The following THOC1 variants were observed in gnomAD, a reference collection of about 807,000 sequenced individuals.
The protein encoded by THOC1 is THO complex subunit 1.
A neutral mutation model predicts 97.3 loss-of-function variants in THOC1; 29 were observed. The observed-to-expected ratio is 0.30, with a 90% CI of 0.22 to 0.41. The LOEUF (loss-of-function observed/expected upper bound fraction) is 0.41, where lower values mean the gene tolerates loss of function less well. Among genes scored for constraint, THOC1 ranks in the 10% least tolerant of loss-of-function variants. THOC1 has a pLI of 1.00. For missense variants in THOC1, 529 were observed against 761.9 expected (o/e 0.69, Z 3.60); for synonymous variants, 255 against 257.0 (o/e 0.99, Z 0.07).
chr18:232,580 G>T (rs1464488920), intron 11 of THOC1, among the ~76,000 whole-genome samples: 2 of 151,768 alleles, frequency 1.3e-5, no homozygotes, highest in African/African-American at 4.8e-5. Flanking sequence ...ATGGTACAGT[G>T]AATCTTCTTA....
rs770075153 is a variant in THOC1, at chr18:261,661, C to T, written c.257-1357G>A. ...ACTGGACTAGGTGACCTCTAAAGTC[C>T]CTAACAATACTTAGATTCAATGATA... On this transcript the variant is annotated intron_variant, in intron 4 of 20. Transcript: ENST00000261600. 7.2e-5 allele frequency among the ~76,000 whole-genome samples: 11 copies of T among 152,238 alleles called. No homozygotes were observed. The South Asian group carries it at 2.3e-3, about 32-fold the overall frequency.
In THOC1 at chr18:252,519, C is replaced by T. The variant is rs368194949; in HGVS notation, c.677+20G>A. ...GAGATTATCTCTGTAAATCAAAAAG[C>T]TTAGGCTCTGAAAACTCACCACGTT... On this transcript the variant is annotated intron_variant, in intron 9 of 20. Coordinates refer to ENST00000261600, the MANE Select transcript of THOC1 (RefSeq NM_005131.3). The T allele has an allele frequency of 2.1e-5, 34 of 1,592,966 alleles. No individual in the cohort carries two copies. The African/African-American group carries it at 4.4e-4, about 21-fold the overall frequency.
intron 8 of THOC1, among the ~76,000 whole-genome samples, chr18:253,350 T>C (rs966892611): frequency 1.3e-5 from 2 of 152,248 alleles, no homozygotes; most frequent in South Asian, 4.1e-4. Flanking sequence ...CTAGACACTG[T>C]AACATTGTTT....
At chr18:252,767 C>T (rs975845142) in intron 8 of THOC1, among the ~76,000 whole-genome samples, 155 bp from the exon 9 acceptor site, 1 of 152,180 alleles carries the variant, frequency 6.6e-6, no homozygotes, top group African/African-American at 2.4e-5. Flanking sequence ...ATCTGTAAGG[C>T]AATCAGAATT....
chr18:253,278 T>C (rs1314226357), intron 8 of THOC1, among the ~76,000 whole-genome samples: 1 of 152,144 alleles, frequency 6.6e-6, no homozygotes, highest in East Asian at 1.9e-4. Context: ...CTGGAATTTA[T>C]CCTAAAAAGA....
intron 11 of THOC1, among the ~76,000 whole-genome samples, chr18:239,658 T>G (rs990992869): frequency 1.1e-4 from 16 of 152,230 alleles, no homozygotes; most frequent in African/African-American, 3.9e-4. Flanking sequence ...AACATGTTTG[T>G]TCTTCATAAC....
chr18:224,248 C>CTTTT (rs749883073), intron 15 of THOC1, 69 bp from the exon 16 acceptor site: 2 of 1,198,648 alleles, frequency 1.7e-6, no homozygotes, highest in Non-Finnish European at 2.4e-6. Context: ...GAATGTTTAA[C>CTTTT]GTAAAAGAAA....
At chr18:266,599 A>C (rs373765333) in intron 1 of THOC1, among the ~76,000 whole-genome samples, 2 of 144,336 alleles carry the variant, frequency 1.4e-5, no homozygotes, top group East Asian at 4.0e-4. Flanking sequence ...GTGCACTGGC[A>C]TGATCTTGGC....
intron 7 of THOC1, among the ~76,000 whole-genome samples, chr18:256,985 A>C (rs2143287341): frequency 6.6e-6 from 1 of 152,356 alleles, no homozygotes; most frequent in East Asian, 1.9e-4. Context: ...CGACTTGCAA[A>C]AGGCTTTGGT....
At chr18:218,786 A>G in intron 18 of THOC1, 100 bp downstream of exon 18, 6 of 914,072 alleles carry the variant, frequency 6.6e-6, no homozygotes, top group Non-Finnish European at 1.0e-5. Flanking sequence ...GCACTATTCT[A>G]TCTACTGCCT....
chr18:266,848 C>T (rs538786), intron 1 of THOC1, among the ~76,000 whole-genome samples: 26,706 of 152,040 alleles, frequency 0.18, 2,564 homozygotes, highest in Non-Finnish European at 0.23. Context: ...CCAATATGAT[C>T]TTGGATAGTC....
chr18:234,019 A>G (rs1410099064), intron 11 of THOC1, among the ~76,000 whole-genome samples: 1 of 152,208 alleles, frequency 6.6e-6, no homozygotes, highest in African/African-American at 2.4e-5. Flanking sequence ...ACACTGCTCC[A>G]TTTTTGTAAT....
chr18:226,458 A>G, intron 12 of THOC1: 1 of 194,608 alleles, frequency 5.1e-6, no homozygotes, highest in Non-Finnish European at 1.1e-5. Context: ...CTTGTGAGAT[A>G]TGTATTACTG....
intron 20 of THOC1, among the ~76,000 whole-genome samples, chr18:215,195 TC>T (rs1910831929): frequency 2.6e-5 from 4 of 152,316 alleles, no homozygotes; most frequent in African/African-American, 9.6e-5. Flanking sequence ...TGGGTCGCCT[TC>T]AAATGTATTT....
At chr18:236,834 T>C (rs2143214817) in intron 11 of THOC1, among the ~76,000 whole-genome samples, 1 of 152,288 alleles carries the variant, frequency 6.6e-6, no homozygotes, top group East Asian at 1.9e-4. Flanking sequence ...GGATCGCTTC[T>C]ATTAACCTTG....
chr18:256,127 G>C (rs1177830426), intron 7 of THOC1, among the ~76,000 whole-genome samples: 1 of 152,232 alleles, frequency 6.6e-6, no homozygotes, highest in East Asian at 1.9e-4. Context: ...CCATTTTGCA[G>C]CCAAAGGATC....
In THOC1 at chr18:254,211, C is replaced by T; in HGVS notation, c.603+62G>A. The T allele has an allele frequency of 1.7e-6, 2 of 1,169,432 alleles. No individual in the cohort carries two copies. The highest frequency in any genetic ancestry group is 1.3e-5 in the South Asian group (1 of 76,368). The allele number at this position is 1,169,432 out of a possible 1,614,324, so 72.4% of individuals were successfully genotyped here. On this transcript the variant is annotated intron_variant, in intron 8 of 20. Coordinates refer to ENST00000261600, the MANE Select transcript of THOC1 (RefSeq NM_005131.3). The surrounding 1 kb of genome is among the most constrained non-coding windows in gnomAD (Gnocchi z 4.1). Reference sequence around the variant, plus strand: ...ACAAGTGTGAGCCACTGTGCCTGGACCCACTATCTTAATAACAAACTTGCA... The same window carrying T: ...ACAAGTGTGAGCCACTGTGCCTGGATCCACTATCTTAATAACAAACTTGCA...
chr18:259,658 T>G (rs1191003288), intron 6 of THOC1, 24 bp downstream of exon 6: 1 of 1,517,268 alleles, frequency 6.6e-7, no homozygotes, highest in Non-Finnish European at 8.9e-7. Context: ...TAAAAAGCAA[T>G]CATTTTATCA....
intron 7 of THOC1, among the ~76,000 whole-genome samples, chr18:258,560 CAT>C (rs1208267901): frequency 2.0e-5 from 3 of 152,104 alleles, no homozygotes; most frequent in South Asian, 2.1e-4. Flanking sequence ...AAGCTCTTCA[CAT>C]GTTTTAATTC....
Sources: gnomAD v4.1 joint callset for allele counts (sites outside exome capture counted in the v4.1 genomes callset) on GRCh38, gnomAD v4.1.1 for gene constraint, Gnocchi (gnomAD v3.1) non-coding constraint, MANE v1.5 for transcripts, NCBI Gene and HGNC (gene_info 2026-07-23, HGNC 2026-07-21) for gene names.